The following NGEF variants were observed in gnomAD, a reference collection of about 807,000 sequenced individuals.
The protein encoded by NGEF is neuronal guanine nucleotide exchange factor, also known as ephexin-1.
A neutral mutation model predicts 80.9 loss-of-function variants in NGEF; 31 were observed. The ratio of observed to expected loss-of-function variants is 0.38; its 90% CI spans 0.29 to 0.52. The LOEUF is 0.52. Among genes scored for constraint, NGEF ranks in the 20% least tolerant of loss-of-function variants. NGEF has a pLI of 0.84. For missense variants in NGEF, 709 were observed against 926.2 expected (o/e 0.77, Z 3.04); for synonymous variants, 371 against 370.2 (o/e 1.00, Z -0.03).
intron 3 of NGEF, among the ~76,000 whole-genome samples, chr2:232,967,175 C>T (rs754200946): frequency 6.6e-6 from 1 of 152,098 alleles, no homozygotes; most frequent in Non-Finnish European, 1.5e-5. Flanking sequence ...TGGCACCTCT[C>T]ACCCCACTCC....
intron 1 of NGEF, among the ~76,000 whole-genome samples, chr2:233,007,243 CAAATAAAT>C (rs145057692): frequency 6.6e-6 from 1 of 152,078 alleles, no homozygotes; most frequent in African/African-American, 2.4e-5. Context: ...GACCCTGTCT[CAAATAAAT>C]AAATAAATAA....
chr2:232,939,020 A>G (rs925700776), intron 3 of NGEF, among the ~76,000 whole-genome samples: 1 of 151,992 alleles, frequency 6.6e-6, no homozygotes. Context: ...TCTACTAAAA[A>G]TACAAAAATT....
At chr2:232,994,648 C>T (rs1001840420) in intron 1 of NGEF, among the ~76,000 whole-genome samples, 7 of 152,202 alleles carry the variant, frequency 4.6e-5, no homozygotes, top group African/African-American at 1.2e-4. Flanking sequence ...CATCCCCGTT[C>T]GGCCCTTCGC....
At position 232,884,026 on chromosome 2, in the gene NGEF, A is replaced by C; in HGVS notation, c.1556T>G (p.Leu519Arg). Residue 519 changes from leucine (L) to arginine (R), a missense_variant, in exon 11 of 15, where the codon CTC (leucine) becomes CGC (arginine). Around this residue, in one of 2 missense-constraint regions of NGEF, gnomAD observed 426 missense variants for 622.9 expected, o/e 0.68. Transcript: ENST00000264051. The part of the protein sequence containing the change: ...RTKKLFHEIY[L>R]FLFNDLLVIC... The stretch of plus-strand genomic sequence containing the variant: ...CACCAGCAGGTCGTTGAACAGGAAG[A>C]GGTAAATTTCGTGGAAGAGCTTCTT... 1 of 1,612,234 alleles carries C rather than the reference A, an allele frequency of 6.2e-7. No homozygotes were observed. The highest frequency in any genetic ancestry group is 8.5e-7 in the Non-Finnish European group (1 of 1,179,394).
intron 1 of NGEF, among the ~76,000 whole-genome samples, chr2:232,997,875 C>T (rs567111136): frequency 5.9e-5 from 9 of 152,296 alleles, no homozygotes; most frequent in Non-Finnish European, 1.0e-4. Context: ...CTGGCGTCAC[C>T]GAGCGTTACC....
At chr2:232,999,013 G>T (rs1418097796) in intron 1 of NGEF, among the ~76,000 whole-genome samples, 1 of 152,136 alleles carries the variant, frequency 6.6e-6, no homozygotes. Flanking sequence ...AGGGTCTCCT[G>T]GTTTGGGACC....
At chr2:232,930,854 C>A (rs1693202185) in intron 3 of NGEF, among the ~76,000 whole-genome samples, 2 of 152,236 alleles carry the variant, frequency 1.3e-5, no homozygotes, top group Admixed American at 6.5e-5. Flanking sequence ...AAAATACATT[C>A]ATTCCATCTT....
chr2:232,916,879 A>G (rs1692814135), intron 5 of NGEF, among the ~76,000 whole-genome samples: 1 of 152,168 alleles, frequency 6.6e-6, no homozygotes, highest in Non-Finnish European at 1.5e-5. Flanking sequence ...GTTCGCACAC[A>G]CAAACTCTCC....
chr2:232,884,313 G>A (rs1417143481), intron 10 of NGEF, among the ~76,000 whole-genome samples, 169 bp from the exon 11 acceptor site: 1 of 152,198 alleles, frequency 6.6e-6, no homozygotes, highest in Non-Finnish European at 1.5e-5. Context: ...AGAGATGGCA[G>A]GGCTGTGTGT....
intron 3 of NGEF, among the ~76,000 whole-genome samples, chr2:232,953,730 C>T (rs1039987146): frequency 6.6e-6 from 1 of 151,920 alleles, no homozygotes; most frequent in Non-Finnish European, 1.5e-5. Flanking sequence ...GGCCCGGGAG[C>T]GTTTTCCAGG....
Position 232,974,606 on chromosome 2 carries a change from C to T in NGEF, c.268+17G>A. On this transcript the variant is annotated intron_variant, in intron 2 of 14. Transcript: ENST00000264051. ...GGATGTAAGGGAACAGCCGTGACAG[C>T]TGTCCCTGATACTGACCTGCCAGGC... 1.9e-6 allele frequency: 3 copies of T among 1,611,202 alleles called. No individual in the cohort carries two copies. The highest frequency in any genetic ancestry group is 1.7e-6 in the Non-Finnish European group (2 of 1,178,766).
At chr2:232,923,773 A>G (rs1692998881) in intron 4 of NGEF, among the ~76,000 whole-genome samples, 1 of 152,232 alleles carries the variant, frequency 6.6e-6, no homozygotes, top group Non-Finnish European at 1.5e-5. Context: ...GGTTAGACAC[A>G]GGCACAAGGC....
intron 1 of NGEF, among the ~76,000 whole-genome samples, chr2:233,005,339 C>G (rs948618597): frequency 7.9e-5 from 12 of 152,188 alleles, no homozygotes; most frequent in Non-Finnish European, 1.3e-4. Flanking sequence ...TGTCTCTACA[C>G]CCCCAAAACA....
In NGEF at chr2:232,974,658, C is replaced by T; in HGVS notation, c.233G>A (p.Arg78Lys). Residue 78 changes from arginine to lysine, a missense_variant, in exon 2 of 15, where the codon AGA becomes AAA. Transcript: ENST00000264051. ...SIRRKSKAKARDNPERNASCL... is the reference protein window; with the variant it reads ...SIRRKSKAKAKDNPERNASCL... ...GCTGGCGTTCCGTTCGGGGTTGTCT[C>T]TGGCCTTGGCTTTGCTTTTGCGTCT... is the stretch of plus-strand genomic sequence containing the variant. The T allele has an allele frequency of 6.2e-7, 1 of 1,614,222 alleles. No individual in the cohort carries two copies. The highest frequency in any genetic ancestry group is 8.5e-7 in the Non-Finnish European group (1 of 1,180,048).
chr2:232,882,944 TGGCAGCA>T (rs1027336714), intron 12 of NGEF, among the ~76,000 whole-genome samples: 11 of 152,034 alleles, frequency 7.2e-5, no homozygotes, highest in African/African-American at 2.7e-4. Flanking sequence ...ACACAGCAAG[TGGCAGCA>T]GGGAGCAGGA....
Position 232,923,104 on chromosome 2 carries a change from A to G in NGEF, c.527-2519T>C, listed in dbSNP as rs538226406. Among the ~76,000 whole-genome samples the G allele has an allele frequency of 3.9e-5, 6 of 152,156 alleles. No individual in the cohort carries two copies. In the South Asian group the frequency reaches 1.2e-3, roughly 32 times the overall value. ...AAACAAAAAACAAACAACAACAACA[A>G]CAACAAAAAAGCAGTTTCCAAGCTT... On this transcript the variant is annotated intron_variant, in intron 4 of 14. Coordinates refer to ENST00000264051, the MANE Select transcript of NGEF (RefSeq NM_019850.3).
At chr2:233,006,447 AG>A (rs1237128533) in intron 1 of NGEF, among the ~76,000 whole-genome samples, 2 of 152,190 alleles carry the variant, frequency 1.3e-5, no homozygotes, top group African/African-American at 2.4e-5. Flanking sequence ...CATCAAAAGA[AG>A]GGGGCACCTC....
chr2:232,921,253 C>A (rs745887860), intron 4 of NGEF, among the ~76,000 whole-genome samples: 10 of 152,140 alleles, frequency 6.6e-5, no homozygotes, highest in Admixed American at 5.9e-4. Context: ...GACACAGGGA[C>A]TTCCTCTCTG....
rs942044866 is a variant in NGEF at position 232,930,311 on chromosome 2, GCTCT to G, written c.384-3129_384-3126del. On this transcript the variant is annotated intron_variant, in intron 3 of 14. Transcript: ENST00000264051. ...CAAAGAGAGAGAGAGAGTACTCTGG[GCTCT>G]CTCTCTCTCTCTTTTTTTTTTTGAA... is the stretch of plus-strand genomic sequence containing the variant. Among the ~76,000 whole-genome samples, 36 of 130,958 alleles carry G rather than the reference GCTCT, an allele frequency of 2.7e-4. No individual in the cohort carries two copies. The East Asian group carries it at 5.5e-3, about 20-fold the overall frequency. The allele number at this position is 130,958 out of a possible 152,430, so 85.9% of individuals were successfully genotyped here.
Sources: allele counts gnomAD v4.1 joint callset (sites outside exome capture counted in the v4.1 genomes callset), GRCh38; gene constraint gnomAD v4.1.1; regional missense constraint gnomAD v4.1.1; transcripts MANE v1.5; gene names NCBI Gene and HGNC (gene_info 2026-07-23, HGNC 2026-07-21).